The following EPS15L1 variants were observed in gnomAD, a reference collection of about 807,000 sequenced individuals.
EPS15L1 encodes the protein epidermal growth factor receptor substrate 15-like 1.
EPS15L1 carries 43 observed loss-of-function variants against 117.1 expected under a neutral mutation model. The observed-to-expected ratio is 0.37, with a 90% CI of 0.29 to 0.47. The LOEUF (loss-of-function observed/expected upper bound fraction) is 0.47. EPS15L1 is among the 20% of genes least tolerant of loss of function. The probability of loss-of-function intolerance (pLI) is 0.99; values close to 1 mark genes in which losing one functional copy is unlikely to be tolerated. For synonymous variants in EPS15L1, 459 were observed against 470.5 expected (o/e 0.98, Z 0.32); for missense variants, 981 against 1,164.0 (o/e 0.84, Z 2.29).
intron 1 of EPS15L1, among the ~76,000 whole-genome samples, chr19:16,453,859 A>G (rs2145142849): frequency 6.6e-6 from 1 of 150,876 alleles, no homozygotes; most frequent in African/African-American, 2.5e-5. Flanking sequence ...AAAAAGCTGA[A>G]ATCCAAGAAA....
chr19:16,412,326 C>T (rs2092713970), intron 13 of EPS15L1, among the ~76,000 whole-genome samples: 1 of 151,724 alleles, frequency 6.6e-6, no homozygotes, highest in Admixed American at 6.6e-5. Flanking sequence ...ATGGTGAAAC[C>T]CCATCTCTAC....
intron 1 of EPS15L1, among the ~76,000 whole-genome samples, chr19:16,465,677 G>A (rs1756390460): frequency 6.6e-6 from 1 of 152,084 alleles, no homozygotes. Flanking sequence ...GCAAGAGCCT[G>A]TCTCTAAAGG....
chr19:16,430,365 G>A (rs972988895), intron 7 of EPS15L1, among the ~76,000 whole-genome samples: 1 of 152,152 alleles, frequency 6.6e-6, no homozygotes, highest in Non-Finnish European at 1.5e-5. Flanking sequence ...ACCCTGCCCC[G>A]CCCTGTCCAC....
intron 22 of EPS15L1, among the ~76,000 whole-genome samples, chr19:16,372,490 C>T (rs1011786136): frequency 2.0e-5 from 3 of 152,212 alleles, no homozygotes; most frequent in South Asian, 2.1e-4. Flanking sequence ...CCACAGAGGA[C>T]GCTGGAGCCC....
At chr19:16,411,012 A>C (rs2092701136) in intron 13 of EPS15L1, among the ~76,000 whole-genome samples, 1 of 152,192 alleles carries the variant, frequency 6.6e-6, no homozygotes, top group Non-Finnish European at 1.5e-5. Flanking sequence ...GACCCTCAAA[A>C]ACATGATGCT....
chr19:16,465,450 A>G, intron 1 of EPS15L1, among the ~76,000 whole-genome samples: 1 of 152,058 alleles, frequency 6.6e-6, no homozygotes, highest in East Asian at 1.9e-4. Flanking sequence ...TTGGAGGCAG[A>G]GGCAGGAGGA....
At chr19:16,465,112 T>C (rs2093292200) in intron 1 of EPS15L1, among the ~76,000 whole-genome samples, 1 of 151,248 alleles carries the variant, frequency 6.6e-6, no homozygotes, top group South Asian at 2.1e-4. Flanking sequence ...GAAAACCTCA[T>C]AATGTTTTAG....
rs1217950734 is a variant in EPS15L1 at position 16,371,398 on chromosome 19, G to A, written c.2380+5724C>T. Among the ~76,000 whole-genome samples, 1 of 152,180 alleles carries A rather than the reference G, an allele frequency of 6.6e-6. No homozygotes were observed. The highest frequency in any genetic ancestry group is 1.5e-5 in the Non-Finnish European group (1 of 68,034). ...ATGACTTTTGTCTTCTTCTTTTGTTGAGAGAGCTGCTCAAATCAAACAGGA... is the reference window on the plus strand; with the variant it reads ...ATGACTTTTGTCTTCTTCTTTTGTTAAGAGAGCTGCTCAAATCAAACAGGA... On this transcript the variant is annotated intron_variant, in intron 22 of 23. Coordinates refer to ENST00000455140, the MANE Select transcript of EPS15L1 (RefSeq NM_001258374.3). The surrounding 1 kb of genome is among the most constrained non-coding windows in gnomAD (Gnocchi z 4.7).
Position 16,401,352 on chromosome 19 carries a change from C to G in EPS15L1, c.1791+969G>C. 9.1e-6 allele frequency: 9 copies of G among 985,354 alleles called. No individual in the cohort carries two copies. In the South Asian group the frequency reaches 3.3e-4, roughly 36 times the overall value. 61.0% of individuals were successfully genotyped at this position (985,354 alleles called of 1,614,324 possible). ...ACATCAAGCATTGAACATAAAGAGG[C>G]AAGTGTGGTGTTTAGAGAGCACGAG... On this transcript the variant is annotated intron_variant, in intron 16 of 23. Transcript: ENST00000455140.
intron 22 of EPS15L1, among the ~76,000 whole-genome samples, chr19:16,375,182 G>A (rs966334195): frequency 1.3e-5 from 2 of 152,234 alleles, no homozygotes; most frequent in African/African-American, 2.4e-5. Flanking sequence ...GGGAGAGTGC[G>A]TGTGTGCCTG....
chr19:16,360,620 G>A (rs2092038289), intron 23 of EPS15L1, among the ~76,000 whole-genome samples: 1 of 152,008 alleles, frequency 6.6e-6, no homozygotes, highest in African/African-American at 2.4e-5. Context: ...GGTGTTGCAC[G>A]CCTGTCGTCC....
Position 16,377,252 on chromosome 19 carries a change from G to A in EPS15L1, c.2250C>T (p.Pro750=), listed in dbSNP as rs1233547083. The change falls in exon 22 of 24, where the codon CCC becomes CCT. Residue 750 remains proline, a splice_region_variant and synonymous_variant. Transcript: ENST00000455140. ...AGGAGGTGAAAGGGCCAGAAGGTGG[G>A]GGCTGTAAGAGAGGACATGAAAGAG... ...GFADFSQMSK[P]PPSGPFTSSL... is the part of the protein sequence containing the mutation. 24 of 1,610,122 alleles carry A rather than the reference G, an allele frequency of 1.5e-5. No homozygotes were observed. Among genetic ancestry groups the A allele is most frequent in the Non-Finnish European group, 1.7e-5 (20 of 1,178,910 alleles).
chr19:16,369,416 G>A (rs952719472), intron 22 of EPS15L1, among the ~76,000 whole-genome samples: 2 of 152,142 alleles, frequency 1.3e-5, no homozygotes, highest in East Asian at 1.9e-4. Context: ...TATTTACTAC[G>A]AGCCACTGCT....
Position 16,370,001 on chromosome 19 carries a change from G to A in EPS15L1, c.2380+7121C>T, listed in dbSNP as rs954004890. 1.3e-5 allele frequency among the ~76,000 whole-genome samples: 2 copies of A among 152,236 alleles called. No homozygotes were observed. Among genetic ancestry groups the A allele is most frequent in the Admixed American group, 1.3e-4 (2 of 15,292 alleles). Reference sequence around the variant, plus strand: ...TACGGAGTGTGCCAATGTCGCAGACGCCACCTCTGCAAAGGGTAGGAAGGC... The same window carrying A: ...TACGGAGTGTGCCAATGTCGCAGACACCACCTCTGCAAAGGGTAGGAAGGC... On this transcript the variant is annotated intron_variant, in intron 22 of 23. Coordinates refer to ENST00000455140, the MANE Select transcript of EPS15L1 (RefSeq NM_001258374.3). This position sits in a 1 kb window ranked among gnomAD's most constrained non-coding sequence, Gnocchi z 5.2.
intron 13 of EPS15L1, among the ~76,000 whole-genome samples, chr19:16,412,405 C>G (rs2092714509): frequency 6.6e-6 from 1 of 151,828 alleles, no homozygotes; most frequent in South Asian, 2.1e-4. Flanking sequence ...GAGGCTGAGA[C>G]AGGGGAATCG....
intron 13 of EPS15L1, chr19:16,413,570 A>T (rs2058686385): frequency 1.3e-6 from 1 of 743,494 alleles, no homozygotes; most frequent in Non-Finnish European, 2.2e-6. Context: ...CTGTGGCTAC[A>T]ACATAGGGTT....
intron 19 of EPS15L1, among the ~76,000 whole-genome samples, chr19:16,388,945 A>G (rs978765082): frequency 1.3e-5 from 2 of 151,880 alleles, no homozygotes; most frequent in Admixed American, 1.3e-4. Flanking sequence ...ATCAAACACA[A>G]TGTCCTTCAA....
rs929773695 is a variant in EPS15L1, at chr19:16,437,159, T to C, written c.310-160A>G. ...CCACATGACCCAGCAATTCCACTCC[T>C]ACGTATTGACCCAAATGAATTAAAA... On this transcript the variant is annotated intron_variant, in intron 5 of 23. Coordinates refer to ENST00000455140, the MANE Select transcript of EPS15L1 (RefSeq NM_001258374.3). The C allele has an allele frequency of 9.7e-6, 6 of 619,170 alleles. No individual in the cohort carries two copies. The Admixed American group carries it at 1.5e-4, about 15-fold the overall frequency. 38.4% of individuals were successfully genotyped at this position (619,170 alleles called of 1,614,324 possible).
At chr19:16,439,827 C>T (rs1010287686) in intron 4 of EPS15L1, among the ~76,000 whole-genome samples, 2 of 152,002 alleles carry the variant, frequency 1.3e-5, no homozygotes, top group South Asian at 2.1e-4. Flanking sequence ...TCCCTTCTAA[C>T]AAAATGGCCA....
Sources: gnomAD v4.1 joint callset for allele counts (sites outside exome capture counted in the v4.1 genomes callset) on GRCh38, gnomAD v4.1.1 for gene constraint, Gnocchi (gnomAD v3.1) non-coding constraint, MANE v1.5 for transcripts, NCBI Gene and HGNC (gene_info 2026-07-23, HGNC 2026-07-21) for gene names.